Variants in DLG2 observed in about 807,000 individuals in gnomAD.
The protein encoded by DLG2 is disks large homolog 2.
Under a neutral mutation model 132.5 loss-of-function variants are expected in DLG2, and 45 were observed. The observed-to-expected ratio is 0.34, with a 90% CI of 0.27 to 0.44. The LOEUF is 0.44. DLG2 is among the 20% of genes least tolerant of loss of function. The probability of loss-of-function intolerance (pLI) is 1.00; values close to 1 mark genes in which losing one functional copy is unlikely to be tolerated. For missense variants in DLG2, 1,045 were observed against 1,196.9 expected, an observed-to-expected ratio of 0.87 and a Z score of 1.87; for synonymous variants, 424 against 419.6, an observed-to-expected ratio of 1.01 and a Z score of -0.13.
At chr11:84,730,307 G>A (rs1028905202) in intron 6 of DLG2, among the ~76,000 whole-genome samples, 5 of 151,950 alleles carry the variant, frequency 3.3e-5, no homozygotes, top group Non-Finnish European at 7.4e-5. Context: ...CTGTCACAGG[G>A]TTCCTATGAG....
intron 4 of DLG2, among the ~76,000 whole-genome samples, chr11:85,164,674 A>T (rs2078296234): frequency 6.6e-6 from 1 of 152,134 alleles, no homozygotes; most frequent in Non-Finnish European, 1.5e-5. Flanking sequence ...GCAACAATAA[A>T]ACCGAATCAT....
chr11:84,387,931 A>G (rs1204440764), intron 7 of DLG2, among the ~76,000 whole-genome samples: 2 of 152,216 alleles, frequency 1.3e-5, no homozygotes, highest in African/African-American at 4.8e-5. Flanking sequence ...GTCAAAGACC[A>G]TGCACATACT....
At chr11:84,959,306 A>G (rs1238341874) in intron 6 of DLG2, among the ~76,000 whole-genome samples, 1 of 152,210 alleles carries the variant, frequency 6.6e-6, no homozygotes, top group Non-Finnish European at 1.5e-5. Flanking sequence ...AGAATGATTC[A>G]AGGCAATGAA....
chr11:83,645,526 A>T (rs2067907431), intron 18 of DLG2, among the ~76,000 whole-genome samples: 1 of 152,122 alleles, frequency 6.6e-6, no homozygotes. Flanking sequence ...AAGTAACCAT[A>T]AAAAATAGAC....
chr11:83,917,893 T>C (rs1159732352), intron 15 of DLG2, among the ~76,000 whole-genome samples: 1 of 152,178 alleles, frequency 6.6e-6, no homozygotes, highest in African/African-American at 2.4e-5. Context: ...TAGAGGAAAA[T>C]CTACAATTCG....
At chr11:85,351,990 G>A (rs1013203812) in intron 3 of DLG2, among the ~76,000 whole-genome samples, 3 of 152,186 alleles carry the variant, frequency 2.0e-5, no homozygotes, top group African/African-American at 7.2e-5. Context: ...AATGGTACCA[G>A]CTCCTCTTTG....
In DLG2 at chr11:83,484,351, A is replaced by G. The variant is rs1386199390; in HGVS notation, c.2194-123T>C. On this transcript the variant is annotated intron_variant, in intron 21 of 27. Coordinates refer to ENST00000376104, the MANE Select transcript of DLG2 (RefSeq NM_001142699.3). ...TGTAGTGACGCAAGTGGATAATTCT[A>G]AAGTGGTGCCAGAGAGTTCTAAAGG... 5.8e-6 allele frequency: 4 copies of G among 690,854 alleles called. No homozygotes were observed. The African/African-American group carries it at 7.3e-5, about 13-fold the overall frequency. 42.8% of individuals were successfully genotyped at this position (690,854 alleles called of 1,614,324 possible).
chr11:83,615,690 T>C (rs750980153), intron 19 of DLG2, among the ~76,000 whole-genome samples: 1 of 152,126 alleles, frequency 6.6e-6, no homozygotes, highest in Non-Finnish European at 1.5e-5. Flanking sequence ...CAACTTGCAA[T>C]TGTTGATTCT....
In DLG2 at chr11:85,139,889, T is replaced by A. The variant is rs1442413567; in HGVS notation, c.282+14667A>T. On this transcript the variant is annotated intron_variant, in intron 5 of 27. Coordinates refer to ENST00000376104, the MANE Select transcript of DLG2 (RefSeq NM_001142699.3). ...ATGTATACACACACAGATAGATAGA[T>A]TCCACATATATGTGAGATTATGCAA... 3.3e-5 allele frequency among the ~76,000 whole-genome samples: 5 copies of A among 152,168 alleles called. 1 individual carries two copies. In the South Asian group the frequency reaches 1.0e-3, roughly 32 times the overall value.
At chr11:84,896,934 T>C (rs917024166) in intron 6 of DLG2, among the ~76,000 whole-genome samples, 1 of 151,830 alleles carries the variant, frequency 6.6e-6, no homozygotes, top group Non-Finnish European at 1.5e-5. Flanking sequence ...ATTGGGGGTT[T>C]TGAGCATATC....
chr11:83,662,806 G>C (rs899746985), intron 18 of DLG2, among the ~76,000 whole-genome samples: 1 of 152,128 alleles, frequency 6.6e-6, no homozygotes. Context: ...CTCAACCACA[G>C]TAACTTCTGT....
At chr11:85,058,002 G>T (rs930959314) in intron 6 of DLG2, among the ~76,000 whole-genome samples, 10 of 151,336 alleles carry the variant, frequency 6.6e-5, no homozygotes, top group Non-Finnish European at 1.3e-4. Context: ...GAATATTCTT[G>T]TTTAATATTA....
chr11:85,107,333 C>T (rs2071930063), intron 6 of DLG2, among the ~76,000 whole-genome samples: 1 of 151,960 alleles, frequency 6.6e-6, no homozygotes, highest in Admixed American at 6.6e-5. Context: ...ATTGATAAAA[C>T]CACACATTAT....
intron 3 of DLG2, among the ~76,000 whole-genome samples, chr11:85,457,251 C>T (rs2092453523): frequency 6.6e-6 from 1 of 150,524 alleles, no homozygotes; most frequent in Admixed American, 6.6e-5. Flanking sequence ...ACGTCAACCC[C>T]TGCTTTTCCA....
At chr11:84,813,995 A>T (rs1281136881) in intron 6 of DLG2, among the ~76,000 whole-genome samples, 2 of 152,150 alleles carry the variant, frequency 1.3e-5, no homozygotes, top group African/African-American at 4.8e-5. Flanking sequence ...TTGTTTCTAC[A>T]CTATATTCCT....
At chr11:84,207,248 G>C (rs2096682636) in intron 8 of DLG2, among the ~76,000 whole-genome samples, 1 of 151,916 alleles carries the variant, frequency 6.6e-6, no homozygotes, top group Non-Finnish European at 1.5e-5. Context: ...TCAATGAAAT[G>C]CCAATGAATA....
At chr11:85,178,928 C>G (rs183866660) in intron 4 of DLG2, among the ~76,000 whole-genome samples, 2 of 151,614 alleles carry the variant, frequency 1.3e-5, no homozygotes, top group African/African-American at 4.8e-5. Context: ...ATGAAGAGAA[C>G]GCTGAAAAAG....
intron 7 of DLG2, among the ~76,000 whole-genome samples, chr11:84,416,192 G>C (rs1450092890): frequency 1.4e-5 from 2 of 145,644 alleles, no homozygotes; most frequent in Non-Finnish European, 2.9e-5. Flanking sequence ...TTCTTCACAA[G>C]ATCTGTCAAA....
chr11:84,617,380 A>G (rs994463026), intron 6 of DLG2, among the ~76,000 whole-genome samples: 4 of 152,114 alleles, frequency 2.6e-5, no homozygotes, highest in African/African-American at 9.7e-5. Flanking sequence ...TATCCAGTCT[A>G]TCACTGATGG....
Sources: gnomAD v4.1 joint callset for allele counts (sites outside exome capture counted in the v4.1 genomes callset) on GRCh38, gnomAD v4.1.1 for gene constraint, MANE v1.5 for transcripts, NCBI Gene and HGNC (gene_info 2026-07-23, HGNC 2026-07-21) for gene names.